Variants in CTNNA3 observed in about 807,000 individuals in gnomAD.
The protein encoded by CTNNA3 is catenin alpha-3.
In CTNNA3, 76 loss-of-function variants were observed where a neutral mutation model predicts 95.7. The observed-to-expected ratio is 0.79, with a 90% CI of 0.66 to 0.96. The LOEUF is 0.96. Ranked by LOEUF, CTNNA3 falls within the 40% of genes least tolerant of loss-of-function variation. The pLI, the probability that CTNNA3 is intolerant of heterozygous loss-of-function variation, is 0.00. For synonymous variants in CTNNA3, 431 were observed against 374.4 expected, an observed-to-expected ratio of 1.15 and a Z score of -1.74; for missense variants, 1,191 against 1,089.8, an observed-to-expected ratio of 1.09 and a Z score of -1.31.
chr10:67,237,169 T>A (rs547279792), intron 5 of CTNNA3, among the ~76,000 whole-genome samples: 1 of 117,644 alleles, frequency 8.5e-6, no homozygotes, highest in Non-Finnish European at 1.8e-5. Flanking sequence ...TATATATATA[T>A]ATATACACAC....
At chr10:66,362,352 C>T (rs916596084) in intron 12 of CTNNA3, among the ~76,000 whole-genome samples, 2 of 151,654 alleles carry the variant, frequency 1.3e-5, no homozygotes, top group East Asian at 4.0e-4. Flanking sequence ...CCTCCCACCT[C>T]GGCCTCCCAA....
chr10:66,403,290 T>G (rs545140388), intron 11 of CTNNA3, among the ~76,000 whole-genome samples: 2 of 152,094 alleles, frequency 1.3e-5, no homozygotes, highest in Non-Finnish European at 2.9e-5. Flanking sequence ...TATCCTGGTG[T>G]AGATATCTGG....
chr10:67,369,039 A>T (rs573023242), intron 5 of CTNNA3, among the ~76,000 whole-genome samples: 4 of 152,212 alleles, frequency 2.6e-5, no homozygotes, highest in East Asian at 1.9e-4. Flanking sequence ...AAGCAGGGGG[A>T]TCTTTTGAGC....
chr10:67,025,144 A>AG (rs1183609716), intron 7 of CTNNA3, among the ~76,000 whole-genome samples: 8 of 147,270 alleles, frequency 5.4e-5, no homozygotes, highest in African/African-American at 2.1e-4. Flanking sequence ...ACAAAAAAAA[A>AG]AAAGAAAGAA....
chr10:67,235,255 T>A (rs1219415241), intron 5 of CTNNA3, among the ~76,000 whole-genome samples: 7 of 150,688 alleles, frequency 4.6e-5, no homozygotes, highest in African/African-American at 1.4e-4. Flanking sequence ...ACTACCTGAC[T>A]TCAAACTATA....
chr10:66,024,587 T>C (rs928377975), intron 15 of CTNNA3, among the ~76,000 whole-genome samples: 4 of 152,114 alleles, frequency 2.6e-5, no homozygotes, highest in African/African-American at 4.8e-5. Context: ...TCATGACCAG[T>C]CAAATTAAGA....
At chr10:65,963,612 A>C (rs1394679371) in intron 17 of CTNNA3, among the ~76,000 whole-genome samples, 1 of 152,072 alleles carries the variant, frequency 6.6e-6, no homozygotes, top group African/African-American at 2.4e-5. Context: ...GGTACATTTT[A>C]TGTTTCTTAA....
chr10:66,873,156 G>A (rs538109131), intron 7 of CTNNA3, among the ~76,000 whole-genome samples: 5 of 152,320 alleles, frequency 3.3e-5, no homozygotes, highest in African/African-American at 1.2e-4. Context: ...GTGATGAACA[G>A]AGGAGTGCAC....
chr10:66,741,379 G>A (rs1849321047), intron 9 of CTNNA3, among the ~76,000 whole-genome samples: 1 of 152,180 alleles, frequency 6.6e-6, no homozygotes. Flanking sequence ...AGTACTTTGT[G>A]AGTACCATGG....
At chr10:66,209,899 C>T (rs1424727784) in intron 13 of CTNNA3, among the ~76,000 whole-genome samples, 1 of 152,016 alleles carries the variant, frequency 6.6e-6, no homozygotes, top group African/African-American at 2.4e-5. Context: ...ATCCTACAAG[C>T]AACTTATATG....
At chr10:66,095,099 A>G (rs1365657790) in intron 14 of CTNNA3, among the ~76,000 whole-genome samples, 1 of 152,156 alleles carries the variant, frequency 6.6e-6, no homozygotes, top group African/African-American at 2.4e-5. Flanking sequence ...GCCTCCCAAT[A>G]TATGTAGTCA....
chr10:66,385,415 T>C (rs539877675), intron 11 of CTNNA3, among the ~76,000 whole-genome samples: 169 of 152,030 alleles, frequency 1.1e-3, no homozygotes, highest in African/African-American at 3.6e-3. Flanking sequence ...TCTGAATAGA[T>C]CAATAACAGG....
chr10:66,115,596 TAG>T (rs1432388403), intron 13 of CTNNA3, among the ~76,000 whole-genome samples: 52 of 135,360 alleles, frequency 3.8e-4, no homozygotes, highest in African/African-American at 1.9e-3. Context: ...TAGATAGAGA[TAG>T]AGATAGAGAT....
chr10:67,470,353 T>C (rs1847770133), intron 5 of CTNNA3, among the ~76,000 whole-genome samples: 1 of 152,216 alleles, frequency 6.6e-6, no homozygotes, highest in Admixed American at 6.5e-5. Flanking sequence ...CATCTGTTGA[T>C]GGACACTTAG....
chr10:67,435,285 AC>A (rs1383077544), intron 5 of CTNNA3, among the ~76,000 whole-genome samples: 1 of 151,994 alleles, frequency 6.6e-6, no homozygotes, highest in Non-Finnish European at 1.5e-5. Context: ...AAACATCCAT[AC>A]ATCCGCTTTC....
intron 10 of CTNNA3, among the ~76,000 whole-genome samples, chr10:66,609,880 A>G (rs1048000630): frequency 6.6e-6 from 1 of 152,192 alleles, no homozygotes; most frequent in Non-Finnish European, 1.5e-5. Flanking sequence ...CTGCATAAAG[A>G]AAATGTGGTA....
In CTNNA3 at chr10:67,609,370, G is replaced by C. The variant is rs151093008; in HGVS notation, c.100-2321C>G. Among the ~76,000 whole-genome samples, 81 of 152,124 alleles carry C rather than the reference G, an allele frequency of 5.3e-4. 2 individuals carry two copies. Among genetic ancestry groups the C allele is most frequent in the African/African-American group, 1.9e-3 (77 of 41,516 alleles). On this transcript the variant is annotated intron_variant, in intron 2 of 17. Transcript: ENST00000433211. ...AATGCTTCCTGCTCAGTAGTCCCTA[G>C]AGATTTTCGTTGTTGTTTGTTTATG...
intron 15 of CTNNA3, among the ~76,000 whole-genome samples, chr10:65,997,451 G>A (rs1285857208): frequency 1.3e-5 from 2 of 152,190 alleles, no homozygotes; most frequent in Non-Finnish European, 2.9e-5. Context: ...TGGAGGTGGA[G>A]AGCGGTGGCC....
chr10:66,085,961 A>G (rs2080966449), intron 14 of CTNNA3, among the ~76,000 whole-genome samples: 1 of 152,166 alleles, frequency 6.6e-6, no homozygotes, highest in African/African-American at 2.4e-5. Flanking sequence ...TGATGGTAAC[A>G]CCTATCCTAC....
Sources: allele counts gnomAD v4.1 joint callset (sites outside exome capture counted in the v4.1 genomes callset), GRCh38; gene constraint gnomAD v4.1.1; transcripts MANE v1.5; gene names NCBI Gene and HGNC (gene_info 2026-07-23, HGNC 2026-07-21).